GREB1: variants seen among roughly 807,000 people sequenced by gnomAD.
GREB1 encodes growth regulating estrogen receptor binding 1, also known as protein GREB1.
GREB1 carries 106 observed loss-of-function variants against 200.7 expected under a neutral mutation model. That is an observed-to-expected ratio of 0.53 (90% CI 0.45 to 0.62). The LOEUF is 0.62. Among genes scored for constraint, GREB1 ranks in the 20% least tolerant of loss-of-function variants. The probability of loss-of-function intolerance (pLI) is 0.00; values close to 1 mark genes in which losing one functional copy is unlikely to be tolerated. For missense variants in GREB1, 2,243 were observed against 2,556.8 expected (o/e 0.88, Z 2.65); for synonymous variants, 1,132 against 1,092.4 (o/e 1.04, Z -0.72).
In GREB1 at chr2:11,627,347, G is replaced by A. The variant is rs114281140; in HGVS notation, c.4449+243G>A. 3.7e-3 allele frequency among the ~76,000 whole-genome samples: 567 copies of A among 152,302 alleles called. 3 individuals are homozygous for A. Among genetic ancestry groups the A allele is most frequent in the African/African-American group, 0.011 (475 of 41,570 alleles). ...AAGTTACCCGACCGTGGAGGTGGTCGTCATCTTTAGGTCCCAATGCTTTCA... is the reference window on the plus strand; with the variant it reads ...AAGTTACCCGACCGTGGAGGTGGTCATCATCTTTAGGTCCCAATGCTTTCA... On this transcript the variant is annotated intron_variant, in intron 25 of 32. Coordinates refer to ENST00000381486, the MANE Select transcript of GREB1 (RefSeq NM_014668.4).
In GREB1 at chr2:11,592,921, C is replaced by T. The variant is rs758751015; in HGVS notation, c.1491C>T (p.Thr497=). The change falls in exon 11 of 33, where the codon ACC becomes ACT. Residue 497 remains threonine (T), a synonymous_variant. Transcript: ENST00000381486. ...PPAPSAAAPV[T]SAQLPWLASL... ...CGCCCAGCGCCGCGGCACCCGTGAC[C>T]TCCGCGCAGCTGCCCTGGCTGGCCA... 13 of 1,583,884 alleles carry T rather than the reference C, an allele frequency of 8.2e-6. No homozygotes were observed. In the African/African-American group the frequency reaches 1.5e-4, roughly 18 times the overall value.
intron 23 of GREB1, among the ~76,000 whole-genome samples, chr2:11,621,785 T>A (rs1349784736): frequency 6.6e-6 from 1 of 152,188 alleles, no homozygotes; most frequent in Non-Finnish European, 1.5e-5. Context: ...GGAGAAAATT[T>A]GGAGCCAAGG....
chr2:11,621,994 C>T (rs1684049440), intron 23 of GREB1, among the ~76,000 whole-genome samples: 2 of 152,202 alleles, frequency 1.3e-5, no homozygotes, highest in South Asian at 4.1e-4. Flanking sequence ...TGTTAAAGCC[C>T]ATTCTTTAAA....
At position 11,580,893 on chromosome 2, in the gene GREB1, G is replaced by A. The variant is rs778928025; in HGVS notation, c.901+61G>A. On this transcript the variant is annotated intron_variant, in intron 7 of 32. Transcript: ENST00000381486. This position sits in a 1 kb window ranked among gnomAD's most constrained non-coding sequence, Gnocchi z 4.5. ...GCTCTTCTTTGGGCCAAGGCCAGAGGGGGCATGGGAGCTGCTGGGCTGGGG... is the reference window on the plus strand; with the variant it reads ...GCTCTTCTTTGGGCCAAGGCCAGAGAGGGCATGGGAGCTGCTGGGCTGGGG... 3 of 1,606,102 alleles carry A rather than the reference G, an allele frequency of 1.9e-6. No individual in the cohort carries two copies. The highest frequency in any genetic ancestry group is 3.3e-5 in the Admixed American group (2 of 59,732).
At chr2:11,564,642 C>A (rs961036973) in intron 3 of GREB1, among the ~76,000 whole-genome samples, 2 of 152,228 alleles carry the variant, frequency 1.3e-5, no homozygotes, top group Non-Finnish European at 2.9e-5. Flanking sequence ...AAGGCATGGA[C>A]CACACTGGGC....
Position 11,634,069 on chromosome 2 carries a change from C to A in GREB1, c.4992-62C>A, listed in dbSNP as rs951156483. Reference sequence around the variant, plus strand: ...GAGAGCCGGTGCCACACTGCCTGGTCCCAAGGACCTTGCTGCTGCTCGTGT... The same window carrying A: ...GAGAGCCGGTGCCACACTGCCTGGTACCAAGGACCTTGCTGCTGCTCGTGT... On this transcript the variant is annotated intron_variant, in intron 28 of 32. Transcript: ENST00000381486. 31 of 1,494,218 alleles carry A rather than the reference C, an allele frequency of 2.1e-5. No individual in the cohort carries two copies. The African/African-American group carries it at 2.2e-4, about 11-fold the overall frequency. The allele number at this position is 1,494,218 out of a possible 1,614,324, so 92.6% of individuals were successfully genotyped here. A position where few individuals can be genotyped will look rare whatever the true frequency, so the allele number is the denominator to read the frequency against.
chr2:11,512,559 A>G (rs80166363), intron 1 of GREB1, among the ~76,000 whole-genome samples: 2,999 of 152,320 alleles, frequency 0.02, 116 homozygotes, highest in African/African-American at 0.069. Flanking sequence ...GTGTGTTTAG[A>G]CCAAGGATTG....
chr2:11,581,065 A>G, intron 7 of GREB1: 1 of 663,678 alleles, frequency 1.5e-6, no homozygotes, highest in Non-Finnish European at 2.8e-6. Context: ...GAGCAGTGAG[A>G]CACCTGTGGT....
intron 9 of GREB1, chr2:11,587,374 C>T: frequency 6.2e-7 from 1 of 1,602,494 alleles, no homozygotes; most frequent in Non-Finnish European, 8.5e-7. Flanking sequence ...GCCTCTTGCC[C>T]ACTGCAGTAT....
chr2:11,628,729 G>T (rs1684650355), intron 25 of GREB1, among the ~76,000 whole-genome samples: 1 of 152,192 alleles, frequency 6.6e-6, no homozygotes, highest in Non-Finnish European at 1.5e-5. Context: ...ACTCATCCCT[G>T]TCAGTGTCAG....
At chr2:11,506,116 G>C (rs1673177443) in intron 1 of GREB1, among the ~76,000 whole-genome samples, 1 of 152,118 alleles carries the variant, frequency 6.6e-6, no homozygotes, top group Non-Finnish European at 1.5e-5. Context: ...CAGGCACCAA[G>C]AACAGACCTG....
At position 11,596,047 on chromosome 2, in the gene GREB1, G is replaced by C. The variant is rs938487350; in HGVS notation, c.1826-64G>C. On this transcript the variant is annotated intron_variant, in intron 12 of 32. Transcript: ENST00000381486. ...CGGGACAGTACCTGACACTAACTGC[G>C]CTGTAGATGTTTGCTGAATTTCACT... The C allele has an allele frequency of 2.0e-6, 3 of 1,516,856 alleles. No homozygotes were observed. The African/African-American group carries it at 4.1e-5, about 21-fold the overall frequency. The allele number at this position is 1,516,856 out of a possible 1,614,324, so 94.0% of individuals were successfully genotyped here. A position where few individuals can be genotyped will look rare whatever the true frequency, so the allele number is the denominator to read the frequency against.
chr2:11,622,914 G>A (rs1344440673), intron 23 of GREB1, among the ~76,000 whole-genome samples: 2 of 152,204 alleles, frequency 1.3e-5, no homozygotes, highest in African/African-American at 4.8e-5. Context: ...GCTCTGGATG[G>A]AGATAGCTCT....
At chr2:11,581,061 T>C (rs769742561) in intron 7 of GREB1, 11 of 668,794 alleles carry the variant, frequency 1.6e-5, no homozygotes, top group Non-Finnish European at 2.8e-5. Flanking sequence ...CAAGGAGCAG[T>C]GAGACACCTG....
In GREB1 at chr2:11,600,863, C is replaced by T; in HGVS notation, c.2397C>T (p.Leu799=). 1 of 1,614,146 alleles carries T rather than the reference C, an allele frequency of 6.2e-7. No homozygotes were observed. The change falls in exon 16 of 33, where the codon CTC becomes CTT. Residue 799 remains leucine, a synonymous_variant. Transcript: ENST00000381486. ...CGGTGGGATTGGTGGACCGATTGCT[C>T]AACTGCAGGGAGGTGAAGGAGGCCC... ...DPSVGLVDRL[L]NCREVKEAPN... is the part of the protein sequence containing the mutation.
rs1057011165 is a variant in GREB1 at position 11,598,486 on chromosome 2, C to T, written c.2153-194C>T. Among the ~76,000 whole-genome samples, 9 of 152,254 alleles carry T rather than the reference C, an allele frequency of 5.9e-5. No individual in the cohort carries two copies. In the East Asian group the frequency reaches 7.7e-4, roughly 13 times the overall value. On this transcript the variant is annotated intron_variant, in intron 14 of 32. Transcript: ENST00000381486. Reference sequence around the variant, plus strand: ...TGTACACACAGCCAAGGCTTGCCTGCGCCCCAGCTCCTGTGCAGGACAGTT... The same window carrying T: ...TGTACACACAGCCAAGGCTTGCCTGTGCCCCAGCTCCTGTGCAGGACAGTT...
In GREB1 at chr2:11,588,597, A is replaced by G. The variant is rs532260084; in HGVS notation, c.1160-149A>G. The G allele has an allele frequency of 1.1e-4, 80 of 760,452 alleles. 1 individual carries two copies. The South Asian group carries it at 1.1e-3, about 11-fold the overall frequency. 47.1% of individuals were successfully genotyped at this position (760,452 alleles called of 1,614,324 possible). ...CCAGGAGGGTGAGCAGGTGCACTCA[A>G]TGAGCAAGGCTTCCCAGGACAGGGC... On this transcript the variant is annotated intron_variant, in intron 9 of 32. Transcript: ENST00000381486.
intron 4 of GREB1, among the ~76,000 whole-genome samples, chr2:11,573,270 C>T (rs1678498742): frequency 1.3e-5 from 2 of 152,142 alleles, no homozygotes; most frequent in South Asian, 4.1e-4. Flanking sequence ...CCTGCAGCTG[C>T]TGAACTAGAC....
At chr2:11,495,293 T>G (rs115169778) in intron 1 of GREB1, among the ~76,000 whole-genome samples, 431 of 152,336 alleles carry the variant, frequency 2.8e-3, no homozygotes, top group African/African-American at 0.01. Context: ...ATGTAAGGAC[T>G]AGGATACACA....
Sources: allele counts gnomAD v4.1 joint callset (sites outside exome capture counted in the v4.1 genomes callset), GRCh38; gene constraint gnomAD v4.1.1; non-coding constraint Gnocchi (gnomAD v3.1); transcripts MANE v1.5; gene names NCBI Gene and HGNC (gene_info 2026-07-23, HGNC 2026-07-21).